The following DCC variants were observed in gnomAD, a reference collection of about 807,000 sequenced individuals.
DCC encodes netrin receptor DCC.
DCC carries 58 observed loss-of-function variants against 172.5 expected under a neutral mutation model. The observed-to-expected ratio is 0.34, with a 90% confidence interval of 0.27 to 0.42. DCC has a LOEUF of 0.42. DCC is among the 10% of genes least tolerant of loss of function. The pLI, the probability that DCC is intolerant of heterozygous loss-of-function variation, is 1.00. For missense variants in DCC, 1,740 were observed against 1,791.0 expected (o/e 0.97, Z 0.51); for synonymous variants, 709 against 644.5 (o/e 1.10, Z -1.52).
chr18:52,364,336 G>T (rs541623101), intron 1 of DCC, among the ~76,000 whole-genome samples: 114 of 151,688 alleles, frequency 7.5e-4, no homozygotes, highest in African/African-American at 2.6e-3. Flanking sequence ...ATTTAAACAG[G>T]TATATAAGAA....
chr18:52,753,636 T>G (rs1351345540), intron 2 of DCC, among the ~76,000 whole-genome samples: 1 of 152,174 alleles, frequency 6.6e-6, no homozygotes, highest in Non-Finnish European at 1.5e-5. Context: ...CTTCCAAATT[T>G]CTTAACGCTT....
intron 1 of DCC, among the ~76,000 whole-genome samples, chr18:52,460,296 A>G (rs992993759): frequency 2.6e-5 from 4 of 151,938 alleles, no homozygotes; most frequent in Non-Finnish European, 5.9e-5. Context: ...AAGGTTTCCA[A>G]TTGTCTCCAT....
intron 2 of DCC, among the ~76,000 whole-genome samples, chr18:52,779,963 TG>T (rs1909077937): frequency 6.6e-6 from 1 of 152,240 alleles, no homozygotes; most frequent in African/African-American, 2.4e-5. Flanking sequence ...AGATTTTGAT[TG>T]AAATGCATTC....
At chr18:53,315,721 CT>C (rs1313362641) in intron 13 of DCC, among the ~76,000 whole-genome samples, 8 of 151,068 alleles carry the variant, frequency 5.3e-5, no homozygotes, top group Non-Finnish European at 8.9e-5. Context: ...CAGTGATGAG[CT>C]TTTTTTTTCA....
intron 20 of DCC, among the ~76,000 whole-genome samples, chr18:53,414,903 T>C (rs1910214109): frequency 6.6e-6 from 1 of 152,184 alleles, no homozygotes; most frequent in Admixed American, 6.5e-5. Context: ...CTACTACTTA[T>C]CAAGATATCT....
At chr18:53,091,560 G>A (rs927864564) in intron 7 of DCC, among the ~76,000 whole-genome samples, 6 of 151,524 alleles carry the variant, frequency 4.0e-5, no homozygotes, top group African/African-American at 1.5e-4. Flanking sequence ...TTGGGTTTCT[G>A]GTGAGGACCC....
At chr18:52,598,474 G>A (rs545326352) in intron 1 of DCC, among the ~76,000 whole-genome samples, 2 of 152,286 alleles carry the variant, frequency 1.3e-5, no homozygotes, top group African/African-American at 4.8e-5. Context: ...AATGCATGGA[G>A]TCTCAGATGA....
chr18:52,691,645 C>T (rs1292604979), intron 1 of DCC, among the ~76,000 whole-genome samples: 124 of 152,152 alleles, frequency 8.1e-4, no homozygotes, highest in Non-Finnish European at 1.0e-4. Context: ...TCAGTGCCCA[C>T]TGTAATCCAG....
intron 17 of DCC, among the ~76,000 whole-genome samples, chr18:53,393,271 A>G (rs2145013061): frequency 6.6e-6 from 1 of 152,322 alleles, no homozygotes; most frequent in Middle Eastern, 3.4e-3. Flanking sequence ...CAACTTTTAA[A>G]TGGCATAAAA....
At chr18:52,990,610 A>G (rs1295435409) in intron 5 of DCC, among the ~76,000 whole-genome samples, 1 of 150,810 alleles carries the variant, frequency 6.6e-6, no homozygotes, top group African/African-American at 2.4e-5. Context: ...GATCAAAGAG[A>G]TTGTATAAAT....
chr18:52,418,645 A>G (rs958229277), intron 1 of DCC, among the ~76,000 whole-genome samples: 1 of 152,092 alleles, frequency 6.6e-6, no homozygotes, highest in Admixed American at 6.6e-5. Flanking sequence ...AGTCACAAGC[A>G]GTGGGTCCAA....
At chr18:52,927,167 G>GTGTATATATGTGTATATA (rs1568192306) in intron 5 of DCC, among the ~76,000 whole-genome samples, 1 of 10,354 alleles carries the variant, frequency 9.7e-5, no homozygotes, top group South Asian at 2.9e-3. Context: ...ACGTATATAT[G>GTGTATATATGTGTATATA]TGTATATATG....
At chr18:53,242,326 C>T (rs1194027487) in intron 12 of DCC, among the ~76,000 whole-genome samples, 2 of 152,120 alleles carry the variant, frequency 1.3e-5, no homozygotes, top group Non-Finnish European at 2.9e-5. Flanking sequence ...ATGGGACAGC[C>T]AGGAAGATAT....
At chr18:52,403,656 G>A (rs921025307) in intron 1 of DCC, among the ~76,000 whole-genome samples, 6 of 151,978 alleles carry the variant, frequency 3.9e-5, no homozygotes, top group African/African-American at 4.8e-5. Context: ...AAATTATTCA[G>A]GAAAGAGCAA....
intron 5 of DCC, among the ~76,000 whole-genome samples, chr18:53,055,162 GATAA>G (rs1473593128): frequency 6.6e-6 from 1 of 152,058 alleles, no homozygotes; most frequent in Non-Finnish European, 1.5e-5. Context: ...GGGACACAAA[GATAA>G]ATAAGACAAT....
intron 12 of DCC, among the ~76,000 whole-genome samples, chr18:53,225,316 G>A (rs1171501989): frequency 6.6e-6 from 1 of 152,108 alleles, no homozygotes; most frequent in Non-Finnish European, 1.5e-5. Flanking sequence ...AGGTGTTATT[G>A]TTTGTTTCAT....
intron 2 of DCC, among the ~76,000 whole-genome samples, chr18:52,838,231 T>G (rs2038746264): frequency 6.6e-6 from 1 of 152,186 alleles, no homozygotes. Context: ...ATTTGAGGCT[T>G]TAGAGGGGGT....
intron 1 of DCC, among the ~76,000 whole-genome samples, chr18:52,581,041 G>C (rs2033533592): frequency 1.3e-5 from 2 of 152,234 alleles, no homozygotes; most frequent in Non-Finnish European, 2.9e-5. Context: ...CAGCTGAAAA[G>C]AATCTCTCTC....
chr18:53,442,064 G>A (rs918944406), intron 22 of DCC, among the ~76,000 whole-genome samples: 5 of 152,064 alleles, frequency 3.3e-5, no homozygotes, highest in African/African-American at 1.2e-4. Context: ...GTCCTTTCAT[G>A]AGCCCCCACC....
Sources: allele counts gnomAD v4.1 joint callset (sites outside exome capture counted in the v4.1 genomes callset), GRCh38; gene constraint gnomAD v4.1.1; transcripts MANE v1.5; gene names NCBI Gene and HGNC (gene_info 2026-07-23, HGNC 2026-07-21).